The following ANKS6 variants were observed in gnomAD, a reference collection of about 807,000 sequenced individuals.
ANKS6 encodes ankyrin repeat and SAM domain-containing protein 6.
ANKS6 carries 47 observed loss-of-function variants against 77.9 expected under a neutral mutation model. The ratio of observed to expected loss-of-function variants is 0.60; its 90% confidence interval spans 0.48 to 0.77. The LOEUF is 0.77. ANKS6 is among the 30% of genes least tolerant of loss of function. ANKS6 has a pLI of 0.00. For missense variants in ANKS6, 1,150 were observed against 1,159.1 expected, an observed-to-expected ratio of 0.99 and a Z score of 0.11; for synonymous variants, 488 against 501.7, an observed-to-expected ratio of 0.97 and a Z score of 0.37.
chr9:98,770,873 A>C, intron 10 of ANKS6, 23 bp downstream of exon 10: 20 of 1,417,258 alleles, frequency 1.4e-5, no homozygotes, highest in Non-Finnish European at 1.9e-5. Flanking sequence ...CACCTCCCTG[A>C]GTGGCCCTGC....
At chr9:98,761,665 A>C (rs1833015512) in intron 11 of ANKS6, among the ~76,000 whole-genome samples, 1 of 152,138 alleles carries the variant, frequency 6.6e-6, no homozygotes, top group Non-Finnish European at 1.5e-5. Flanking sequence ...AGCACTCTTC[A>C]TTGAAAAGAC....
At chr9:98,748,696 TAGA>T (rs1440521188) in intron 13 of ANKS6, among the ~76,000 whole-genome samples, 1 of 152,162 alleles carries the variant, frequency 6.6e-6, no homozygotes, top group African/African-American at 2.4e-5. Flanking sequence ...AGCAGAGAGC[TAGA>T]AGGAGCCTAG....
At chr9:98,787,640 G>A (rs973467508) in intron 2 of ANKS6, among the ~76,000 whole-genome samples, 1 of 152,190 alleles carries the variant, frequency 6.6e-6, no homozygotes, top group African/African-American at 2.4e-5. Flanking sequence ...TGTCGTCTAT[G>A]TGCCAGGGCA....
chr9:98,783,682 ACCTTATCTCTCTGCATAAAATGCT>A (rs961982352), intron 4 of ANKS6: 1 of 332,414 alleles, frequency 3.0e-6, no homozygotes, highest in African/African-American at 2.1e-5. Flanking sequence ...AACCTAGAGA[ACCTTATCTCTCTGCATAAAATGCT>A]CCTGCTGCAT....
At chr9:98,779,701 T>C (rs1458316791) in intron 6 of ANKS6, among the ~76,000 whole-genome samples, 1 of 152,066 alleles carries the variant, frequency 6.6e-6, no homozygotes, top group African/African-American at 2.4e-5. Context: ...TTTCGCTCTG[T>C]CGCCCAGGCT....
intron 14 of ANKS6, among the ~76,000 whole-genome samples, chr9:98,738,660 G>A (rs1175887367): frequency 6.6e-6 from 1 of 151,864 alleles, no homozygotes; most frequent in African/African-American, 2.4e-5. Flanking sequence ...ATATAAACTA[G>A]TACCACCACT....
At position 98,754,321 on chromosome 9, in the gene ANKS6, A is replaced by G. The variant is rs554577315; in HGVS notation, c.2326+2099T>C. 8.5e-5 allele frequency among the ~76,000 whole-genome samples: 13 copies of G among 152,236 alleles called. 1 individual carries two copies. The highest frequency in any genetic ancestry group is 2.4e-4 in the African/African-American group (10 of 41,542). On this transcript the variant is annotated intron_variant, in intron 12 of 14. Coordinates refer to ENST00000353234, the MANE Select transcript of ANKS6 (RefSeq NM_173551.5). Reference sequence around the variant, plus strand: ...CTCACGTGTCCTTGACTGGGACCAAATATTTCCCAGAAGAATATAATAAAA... The same window carrying G: ...CTCACGTGTCCTTGACTGGGACCAAGTATTTCCCAGAAGAATATAATAAAA...
chr9:98,739,735 C>G lies in ANKS6; in HGVS notation c.2512-3112G>C, dbSNP rs545978146. 4.0e-5 allele frequency among the ~76,000 whole-genome samples: 6 copies of G among 150,336 alleles called. No homozygotes were observed. The South Asian group carries it at 1.3e-3, about 32-fold the overall frequency. ...GCTGGAGGCAGACAGATCCTATCCT[C>G]AGAGGGCAGCAGTGGATTAAACATT... On this transcript the variant is annotated intron_variant, in intron 14 of 14. Transcript: ENST00000353234.
chr9:98,732,443 G>A lies in ANKS6; in HGVS notation c.*4076C>T. The A allele has an allele frequency of 6.6e-7, 1 of 1,519,990 alleles. No individual in the cohort carries two copies. The highest frequency in any genetic ancestry group is 2.0e-5 in the Admixed American group (1 of 50,826). 94.2% of individuals were successfully genotyped at this position (1,519,990 alleles called of 1,614,324 possible). On this transcript the variant is annotated 3_prime_UTR_variant, in exon 15 of 15. Coordinates refer to ENST00000353234, the MANE Select transcript of ANKS6 (RefSeq NM_173551.5). Reference sequence around the variant, plus strand: ...AGAGTCAGGCACATTTGGAGGGCAGGTCCATCGGCCACTCCTCACTTCTGT... The same window carrying A: ...AGAGTCAGGCACATTTGGAGGGCAGATCCATCGGCCACTCCTCACTTCTGT...
intron 11 of ANKS6, among the ~76,000 whole-genome samples, chr9:98,758,303 C>A (rs1832823450): frequency 6.8e-6 from 1 of 146,238 alleles, no homozygotes; most frequent in Non-Finnish European, 1.5e-5. Flanking sequence ...CTCCTGTACC[C>A]TTTTGACATG....
intron 10 of ANKS6, among the ~76,000 whole-genome samples, chr9:98,768,773 T>C (rs894731619): frequency 6.6e-6 from 1 of 152,208 alleles, no homozygotes. Context: ...GCTTCCTGAC[T>C]GAACCCTGAC....
At chr9:98,760,419 AATCC>A (rs1832946801) in intron 11 of ANKS6, among the ~76,000 whole-genome samples, 1 of 75,930 alleles carries the variant, frequency 1.3e-5, no homozygotes, top group African/African-American at 5.0e-5. Flanking sequence ...CCTGCCCTCT[AATCC>A]TGCCCTGGTC....
chr9:98,770,526 C>T (rs1174112491), intron 10 of ANKS6, among the ~76,000 whole-genome samples: 1 of 152,116 alleles, frequency 6.6e-6, no homozygotes, highest in African/African-American at 2.4e-5. Flanking sequence ...ATCTCTTGCC[C>T]ATTGTGAACT....
At chr9:98,777,562 T>A in intron 7 of ANKS6, 108 bp from the exon 8 acceptor site, 1 of 895,880 alleles carries the variant, frequency 1.1e-6, no homozygotes, top group South Asian at 1.5e-5. Context: ...TCCTGGGTGC[T>A]TAAATATTTA....
chr9:98,769,910 C>G (rs997193814), intron 10 of ANKS6, among the ~76,000 whole-genome samples: 2 of 152,198 alleles, frequency 1.3e-5, no homozygotes, highest in Non-Finnish European at 2.9e-5. Flanking sequence ...TAGAAAAACA[C>G]TTTCCAAATA....
chr9:98,786,804 T>C (rs1165131417), intron 2 of ANKS6, among the ~76,000 whole-genome samples: 3 of 152,212 alleles, frequency 2.0e-5, no homozygotes, highest in Admixed American at 6.5e-5. Context: ...CTGGTCTTAG[T>C]GTTGGCTGCT....
chr9:98,773,523 C>T, intron 9 of ANKS6, among the ~76,000 whole-genome samples: 1 of 152,162 alleles, frequency 6.6e-6, no homozygotes, highest in Admixed American at 6.5e-5. Context: ...GATTATGGTT[C>T]ACTCACACTT....
At chr9:98,776,397 AC>A (rs1042178300) in intron 8 of ANKS6, among the ~76,000 whole-genome samples, 21 of 100,222 alleles carry the variant, frequency 2.1e-4, no homozygotes, top group African/African-American at 7.8e-4. Context: ...GTTGCCAAAA[AC>A]CCTTTTTTTT....
At chr9:98,776,784 C>T (rs183119026) in intron 8 of ANKS6, among the ~76,000 whole-genome samples, 27 of 152,288 alleles carry the variant, frequency 1.8e-4, no homozygotes, top group Non-Finnish European at 3.5e-4. Context: ...GGAATGAGGC[C>T]GTCATGGGCC....
Sources: gnomAD v4.1 joint callset for allele counts (sites outside exome capture counted in the v4.1 genomes callset) on GRCh38, gnomAD v4.1.1 for gene constraint, MANE v1.5 for transcripts, NCBI Gene and HGNC (gene_info 2026-07-23, HGNC 2026-07-21) for gene names.